GRIK5: variants seen among roughly 807,000 people sequenced by gnomAD.
GRIK5 encodes the protein glutamate ionotropic receptor kainate type subunit 5.
In GRIK5, 43 loss-of-function variants were observed where a neutral mutation model predicts 97.4. That is an observed-to-expected ratio of 0.44 (90% CI 0.35 to 0.57). The LOEUF is 0.57. Among genes scored for constraint, GRIK5 ranks in the 20% least tolerant of loss-of-function variants. GRIK5 has a pLI of 0.01. For missense variants in GRIK5, 1,015 were observed against 1,382.0 expected (o/e 0.73, Z 4.21); for synonymous variants, 580 against 583.5 (o/e 0.99, Z 0.09).
chr19:42,057,440 T>C (rs1012938735), intron 6 of GRIK5, among the ~76,000 whole-genome samples: 1 of 151,936 alleles, frequency 6.6e-6, no homozygotes, highest in Non-Finnish European at 1.5e-5. Flanking sequence ...GGTGGGATCA[T>C]AGCTCACTGA....
At chr19:42,030,666 G>A (rs528722671) in intron 12 of GRIK5, among the ~76,000 whole-genome samples, 115 of 151,232 alleles carry the variant, frequency 7.6e-4, no homozygotes, top group Non-Finnish European at 1.5e-3. Context: ...GTCCTGCTAT[G>A]TTGCTGAGGC....
intron 11 of GRIK5, among the ~76,000 whole-genome samples, chr19:42,044,414 A>G (rs1467259020): frequency 6.6e-6 from 1 of 152,240 alleles, no homozygotes; most frequent in Non-Finnish European, 1.5e-5. Flanking sequence ...TCAGTTTGCC[A>G]CATTGACGCT....
chr19:42,016,632 G>A (rs1041416986), intron 15 of GRIK5, among the ~76,000 whole-genome samples: 1 of 152,188 alleles, frequency 6.6e-6, no homozygotes, highest in Non-Finnish European at 1.5e-5. Context: ...GTTTGGAGAT[G>A]CCTGTTGAGC....
At chr19:42,068,245 C>T (rs2076367665) in intron 1 of GRIK5, among the ~76,000 whole-genome samples, 1 of 151,962 alleles carries the variant, frequency 6.6e-6, no homozygotes, top group Non-Finnish European at 1.5e-5. Flanking sequence ...AGGGACAGGG[C>T]AAGCACCTGC....
intron 11 of GRIK5, among the ~76,000 whole-genome samples, chr19:42,052,745 C>T (rs1239214967): frequency 6.6e-6 from 1 of 152,188 alleles, no homozygotes; most frequent in African/African-American, 2.4e-5. Flanking sequence ...TTGGGGAAGC[C>T]TCCTGCTCGC....
chr19:42,021,588 G>A lies in GRIK5; in HGVS notation c.1698-114C>T, dbSNP rs1457206035. The A allele has an allele frequency of 8.7e-6, 7 of 801,478 alleles. No homozygotes were observed. The highest frequency in any genetic ancestry group is 1.3e-5 in the Non-Finnish European group (7 of 520,118). 49.6% of individuals were successfully genotyped at this position (801,478 alleles called of 1,614,324 possible). A position where few individuals can be genotyped will look rare whatever the true frequency, so the allele number is the denominator to read the frequency against. On this transcript the variant is annotated intron_variant, in intron 14 of 19. Coordinates refer to ENST00000593562, the MANE Select transcript of GRIK5 (RefSeq NM_002088.5). The surrounding 1 kb of genome is among the most constrained non-coding windows in gnomAD (Gnocchi z 4.2). ...AAGAAAGGGGGAGAGATGGAAAAAG[G>A]AGCAAGATGGACAGAAGCACACAGA...
At chr19:42,000,902 AT>A (rs1388914657) in intron 19 of GRIK5, among the ~76,000 whole-genome samples, 30 of 151,704 alleles carry the variant, frequency 2.0e-4, no homozygotes, top group Non-Finnish European at 2.9e-5. Context: ...CATGTTTTTT[AT>A]TTTCTGTGTC....
chr19:42,046,998 C>G (rs567836711), intron 11 of GRIK5, among the ~76,000 whole-genome samples: 16 of 152,164 alleles, frequency 1.1e-4, no homozygotes, highest in African/African-American at 3.9e-4. Context: ...AGTGATTCTC[C>G]CACCTCAGCC....
rs1555871578 is a variant in GRIK5 at position 42,003,459 on chromosome 19, G to A, written c.2393-6C>T. 1 of 1,613,950 alleles carries A rather than the reference G, an allele frequency of 6.2e-7. No homozygotes were observed. Among genetic ancestry groups the A allele is most frequent in the East Asian group, 2.2e-5 (1 of 44,884 alleles). On this transcript the variant is annotated splice_polypyrimidine_tract_variant and splice_region_variant and intron_variant, in intron 18 of 19. Transcript: ENST00000593562. The surrounding 1 kb of genome is among the most constrained non-coding windows in gnomAD (Gnocchi z 4.2). ...AATGTTCTCCATGCCCAAACCTGGA[G>A]GGCGAAGGGAGTTGGGGGGCAAAGG...
intron 15 of GRIK5, among the ~76,000 whole-genome samples, chr19:42,016,665 G>T (rs570620098): frequency 9.2e-5 from 14 of 152,258 alleles, no homozygotes; most frequent in African/African-American, 3.4e-4. Flanking sequence ...CAATCCCAGG[G>T]GGCTGGACAC....
At chr19:42,055,408 T>C (rs561254428) in intron 8 of GRIK5, among the ~76,000 whole-genome samples, 7 of 152,344 alleles carry the variant, frequency 4.6e-5, no homozygotes, top group African/African-American at 1.7e-4. Context: ...TAGATGTCTG[T>C]GAACAAATAC....
intron 3 of GRIK5, among the ~76,000 whole-genome samples, chr19:42,064,676 TA>T (rs2076305460): frequency 6.6e-6 from 1 of 152,244 alleles, no homozygotes; most frequent in South Asian, 2.1e-4. Flanking sequence ...GAAACCTGTC[TA>T]AAACATGTTT....
chr19:42,063,517 C>T (rs2076288147), intron 3 of GRIK5: 1 of 365,808 alleles, frequency 2.7e-6, no homozygotes, highest in South Asian at 2.0e-5. Flanking sequence ...ATTCTTCTAG[C>T]CATGGCAACT....
intron 9 of GRIK5, 26 bp from the exon 10 acceptor site, chr19:42,053,955 AG>A: frequency 6.6e-7 from 1 of 1,517,508 alleles, no homozygotes; most frequent in Non-Finnish European, 9.1e-7. Context: ...GGTGGGGCAG[AG>A]GGAGAGTGCA....
At chr19:42,014,191 C>T (rs960481992) in intron 15 of GRIK5, among the ~76,000 whole-genome samples, 3 of 148,884 alleles carry the variant, frequency 2.0e-5, no homozygotes, top group Non-Finnish European at 4.5e-5. Flanking sequence ...CTCCAGAGTT[C>T]AAGACCAGCC....
chr19:42,024,969 C>G (rs1369985109), intron 12 of GRIK5, among the ~76,000 whole-genome samples: 3 of 152,198 alleles, frequency 2.0e-5, no homozygotes, highest in African/African-American at 7.2e-5. Context: ...GTTTCAGAAG[C>G]AAGGCCAGCT....
At chr19:42,041,568 T>C (rs1718447322) in intron 12 of GRIK5, among the ~76,000 whole-genome samples, 1 of 152,022 alleles carries the variant, frequency 6.6e-6, no homozygotes, top group African/African-American at 2.4e-5. Flanking sequence ...CACTTAAGGA[T>C]TCAAATCTAG....
At chr19:42,031,611 A>G (rs548340348) in intron 12 of GRIK5, among the ~76,000 whole-genome samples, 1 of 152,222 alleles carries the variant, frequency 6.6e-6, no homozygotes, top group Admixed American at 6.5e-5. Flanking sequence ...TCAAAATGAT[A>G]TGCCATCCAT....
Position 42,069,496 on chromosome 19 carries a change from G to A in GRIK5, c.-306C>T, listed in dbSNP as rs1170395825. 1.3e-5 allele frequency: 2 copies of A among 151,244 alleles called. No individual in the cohort carries two copies. The highest frequency in any genetic ancestry group is 6.6e-5 in the Admixed American group (1 of 15,160). The allele number at this position is 151,244 out of a possible 1,614,324, so 9.4% of individuals were successfully genotyped here. ...GAAAGGAGAAAATGGAGGAGAGAAG[G>A]GGAGAGAGGAGAGGGGGAAGGAGCA... On this transcript the variant is annotated 5_prime_UTR_variant, in exon 1 of 20. Transcript: ENST00000593562.
Sources: allele counts gnomAD v4.1 joint callset (sites outside exome capture counted in the v4.1 genomes callset), GRCh38; gene constraint gnomAD v4.1.1; non-coding constraint Gnocchi (gnomAD v3.1); transcripts MANE v1.5; gene names NCBI Gene and HGNC (gene_info 2026-07-23, HGNC 2026-07-21).